ACTN4: variants seen among roughly 807,000 people sequenced by gnomAD.
ACTN4 encodes alpha-actinin-4.
ACTN4 carries 18 observed loss-of-function variants against 114.2 expected under a neutral mutation model. The ratio of observed to expected loss-of-function variants is 0.16; its 90% CI spans 0.11 to 0.23. The LOEUF is 0.23. Among genes scored for constraint, ACTN4 ranks in the 10% least tolerant of loss-of-function variants. ACTN4 has a pLI of 1.00. For missense variants in ACTN4, 722 were observed against 1,262.9 expected (o/e 0.57, Z 6.49); for synonymous variants, 515 against 506.3 (o/e 1.02, Z -0.23).
intron 1 of ACTN4, among the ~76,000 whole-genome samples, chr19:38,700,094 G>T (rs1345064455): frequency 6.6e-6 from 1 of 152,156 alleles, no homozygotes; most frequent in Non-Finnish European, 1.5e-5. Context: ...GTCCAGCTGG[G>T]GCCTTTGGGT....
intron 11 of ACTN4, among the ~76,000 whole-genome samples, chr19:38,718,910 C>T (rs771982210): frequency 1.3e-5 from 2 of 152,342 alleles, no homozygotes; most frequent in South Asian, 2.1e-4. Context: ...GGCCTGCTGC[C>T]GGACCACAGC....
intron 8 of ACTN4, 93 bp from the exon 9 acceptor site, chr19:38,714,376 G>T: frequency 8.6e-7 from 1 of 1,162,746 alleles, no homozygotes. Context: ...GAGGAGTTCC[G>T]TGGGCCATGG....
intron 1 of ACTN4, among the ~76,000 whole-genome samples, chr19:38,660,426 G>A (rs1279887543): frequency 1.4e-5 from 2 of 146,412 alleles, no homozygotes; most frequent in Admixed American, 6.8e-5. Flanking sequence ...ACTGAGTTTC[G>A]CTCTTGTTGC....
chr19:38,728,867 CAG>C, intron 19 of ACTN4, 127 bp from the exon 20 acceptor site: 2 of 1,195,248 alleles, frequency 1.7e-6, no homozygotes, highest in South Asian at 1.3e-5. Flanking sequence ...AGGCGGGGAA[CAG>C]GGCGCACGCA....
chr19:38,714,726 G>A (rs1968782560), intron 9 of ACTN4, among the ~76,000 whole-genome samples, 165 bp downstream of exon 9: 1 of 152,212 alleles, frequency 6.6e-6, no homozygotes, highest in Non-Finnish European at 1.5e-5. Flanking sequence ...CGACCTCTCC[G>A]TTTGCTTCCA....
At chr19:38,650,468 G>C (rs1428119899) in intron 1 of ACTN4, among the ~76,000 whole-genome samples, 1 of 152,196 alleles carries the variant, frequency 6.6e-6, no homozygotes, top group Admixed American at 6.5e-5. Flanking sequence ...TGAGGGAAAA[G>C]GGTGGCTCAC....
chr19:38,673,279 A>G (rs1194822106), intron 1 of ACTN4, among the ~76,000 whole-genome samples: 1 of 150,984 alleles, frequency 6.6e-6, no homozygotes, highest in African/African-American at 2.4e-5. Flanking sequence ...TATACCCACT[A>G]TGTGCCGTAA....
intron 1 of ACTN4, chr19:38,648,108 G>A (rs1043365138): frequency 1.8e-6 from 1 of 564,070 alleles, no homozygotes; most frequent in Non-Finnish European, 2.8e-6. Flanking sequence ...TCTGAAAAGA[G>A]AATTGGCGGC....
At chr19:38,716,826 A>G (rs911530591) in intron 9 of ACTN4, among the ~76,000 whole-genome samples, 1 of 152,236 alleles carries the variant, frequency 6.6e-6, no homozygotes, top group Non-Finnish European at 1.5e-5. Context: ...CCTGTCTTTA[A>G]AAAGAAAAGC....
At position 38,647,738 on chromosome 19, in the gene ACTN4, G is replaced by A; in HGVS notation, c.-8G>A. Reference sequence around the variant, plus strand: ...GGACAGGCTGGTGGGCGAGCGAGAGGCGGCGGAATGGTGGACTACCACGCG... The same window carrying A: ...GGACAGGCTGGTGGGCGAGCGAGAGACGGCGGAATGGTGGACTACCACGCG... On this transcript the variant is annotated 5_prime_UTR_variant, in exon 1 of 21. Coordinates refer to ENST00000252699, the MANE Select transcript of ACTN4 (RefSeq NM_004924.6). 2 of 1,542,280 alleles carry A rather than the reference G, an allele frequency of 1.3e-6. No homozygotes were observed. The highest frequency in any genetic ancestry group is 1.7e-6 in the Non-Finnish European group (2 of 1,145,568).
At chr19:38,704,713 A>G (rs1230667059) in intron 3 of ACTN4, among the ~76,000 whole-genome samples, 3 of 152,232 alleles carry the variant, frequency 2.0e-5, no homozygotes, top group Non-Finnish European at 4.4e-5. Context: ...AGAAGCCTGC[A>G]GGCGCTCAGC....
intron 17 of ACTN4, among the ~76,000 whole-genome samples, chr19:38,726,520 A>G (rs570658316): frequency 2.0e-5 from 3 of 152,280 alleles, no homozygotes; most frequent in South Asian, 4.1e-4. Context: ...CCCACTGGCT[A>G]ACACTCCGGG....
At chr19:38,714,412 C>A in intron 8 of ACTN4, 57 bp from the exon 9 acceptor site, 1 of 1,540,470 alleles carries the variant, frequency 6.5e-7, no homozygotes, top group Non-Finnish European at 9.0e-7. Flanking sequence ...GGGACGTGCC[C>A]GTCAGGAGGG....
At position 38,710,242 on chromosome 19, in the gene ACTN4, G is replaced by C. The variant is rs569065259; in HGVS notation, c.734-15G>C. 1 of 1,613,996 alleles carries C rather than the reference G, an allele frequency of 6.2e-7. No individual in the cohort carries two copies. The highest frequency in any genetic ancestry group is 8.5e-7 in the Non-Finnish European group (1 of 1,179,974). ...GCCCTACTCGGGCAGTTTAACCCTT[G>C]TTGTTCACTTGCAGACATCGTGAAC... On this transcript the variant is annotated splice_polypyrimidine_tract_variant and intron_variant, in intron 7 of 20. Coordinates refer to ENST00000252699, the MANE Select transcript of ACTN4 (RefSeq NM_004924.6).
chr19:38,726,744 T>C (rs1418445972), intron 17 of ACTN4, among the ~76,000 whole-genome samples: 1 of 152,218 alleles, frequency 6.6e-6, no homozygotes, highest in Non-Finnish European at 1.5e-5. Context: ...CTTGCCCTTC[T>C]GCTGCCCCTG....
At chr19:38,677,336 CTAAA>C (rs1344716958) in intron 1 of ACTN4, among the ~76,000 whole-genome samples, 1 of 149,544 alleles carries the variant, frequency 6.7e-6, no homozygotes, top group Non-Finnish European at 1.5e-5. Flanking sequence ...TAAGTGTGCA[CTAAA>C]TAAATATGTA....
Position 38,717,011 on chromosome 19 carries a change from C to G in ACTN4, c.913-75C>G. ...CCTCAAAGATCCAGATCCCATGTGC[C>G]CATAAGCTGGGGGGCAGCCCGTCAG... On this transcript the variant is annotated intron_variant, in intron 9 of 20. Coordinates refer to ENST00000252699, the MANE Select transcript of ACTN4 (RefSeq NM_004924.6). The surrounding 1 kb of genome is among the most constrained non-coding windows in gnomAD (Gnocchi z 4.0). 6.8e-7 allele frequency: 1 copy of G among 1,479,990 alleles called. No individual in the cohort carries two copies. The highest frequency in any genetic ancestry group is 1.2e-5 in the South Asian group (1 of 83,362). 91.7% of individuals were successfully genotyped at this position (1,479,990 alleles called of 1,614,324 possible). A position where few individuals can be genotyped will look rare whatever the true frequency, so the allele number is the denominator to read the frequency against.
At chr19:38,681,295 T>C (rs918818286) in intron 1 of ACTN4, among the ~76,000 whole-genome samples, 1 of 152,040 alleles carries the variant, frequency 6.6e-6, no homozygotes, top group African/African-American at 2.4e-5. Context: ...TGTGCCCATG[T>C]CTCCCTCAGC....
chr19:38,726,966 G>A lies in ACTN4; in HGVS notation c.2200G>A (p.Val734Met), dbSNP rs755098237. 2 of 1,613,998 alleles carry A rather than the reference G, an allele frequency of 1.2e-6. No individual in the cohort carries two copies. The highest frequency in any genetic ancestry group is 1.1e-5 in the South Asian group (1 of 91,080). ...HTNYTMEHIR[V>M]GWEQLLTTIA... ...CCCCGTCTTTCCGCAGCACATCCGC[G>A]TGGGCTGGGAGCAGCTGCTCACCAC... is the stretch of plus-strand genomic sequence containing the variant. Residue 734 changes from valine (V) to methionine (M), a missense_variant, in exon 18 of 21, where the codon GTG (valine) becomes ATG (methionine). Physicochemically the swap from Val to Met is conservative, Grantham distance 21. Coordinates refer to ENST00000252699, the MANE Select transcript of ACTN4 (RefSeq NM_004924.6).
Sources: allele counts gnomAD v4.1 joint callset (sites outside exome capture counted in the v4.1 genomes callset), GRCh38; gene constraint gnomAD v4.1.1; non-coding constraint Gnocchi (gnomAD v3.1); transcripts MANE v1.5; gene names NCBI Gene and HGNC (gene_info 2026-07-23, HGNC 2026-07-21).